The following ACTR3B variants were observed in gnomAD, a reference collection of about 807,000 sequenced individuals.
ACTR3B encodes actin-related protein 3B.
In ACTR3B, 8 loss-of-function variants were observed where a neutral mutation model predicts 59.0. The ratio of observed to expected loss-of-function variants is 0.14; its 90% CI spans 0.08 to 0.24. ACTR3B has a LOEUF of 0.24. Ranked by LOEUF, ACTR3B falls within the 10% of genes least tolerant of loss-of-function variation. The pLI is 1.00. For synonymous variants in ACTR3B, 148 were observed against 197.9 expected, an observed-to-expected ratio of 0.75 and a Z score of 2.12; for missense variants, 245 against 552.3, an observed-to-expected ratio of 0.44 and a Z score of 5.58.
At chr7:152,760,305 T>C (rs1004757274) in intron 1 of ACTR3B, among the ~76,000 whole-genome samples, 1 of 151,688 alleles carries the variant, frequency 6.6e-6, no homozygotes, top group Non-Finnish European at 1.5e-5. Flanking sequence ...CCTAGGAATA[T>C]TCGCCAGCGT....
chr7:152,774,085 G>A (rs1246017370), intron 1 of ACTR3B, among the ~76,000 whole-genome samples: 2 of 152,140 alleles, frequency 1.3e-5, no homozygotes, highest in Non-Finnish European at 2.9e-5. Context: ...TCTTGCTGTT[G>A]TCACCTTTTC....
intron 4 of ACTR3B, among the ~76,000 whole-genome samples, chr7:152,805,339 C>T (rs982235858): frequency 3.3e-5 from 5 of 151,946 alleles, no homozygotes; most frequent in African/African-American, 1.2e-4. Context: ...ATGCTGAGGT[C>T]GAAGCGTCTG....
At position 152,759,864 on chromosome 7, in the gene ACTR3B, A is replaced by G; in HGVS notation, c.-19A>G. 2 of 1,300,206 alleles carry G rather than the reference A, an allele frequency of 1.5e-6. No individual in the cohort carries two copies. Among genetic ancestry groups the G allele is most frequent in the South Asian group, 2.2e-5 (1 of 45,884 alleles). 80.5% of individuals were successfully genotyped at this position (1,300,206 alleles called of 1,614,324 possible). A position where few individuals can be genotyped will look rare whatever the true frequency, so the allele number is the denominator to read the frequency against. On this transcript the variant is annotated 5_prime_UTR_variant, in exon 1 of 12. Coordinates refer to ENST00000256001, the MANE Select transcript of ACTR3B (RefSeq NM_020445.6). ...CGCTCTCGGGCTGCCGGCGGGGCCG[A>G]GCGCCGCGCGTCCCGAGCATGGCAG...
rs397833448 is a variant in ACTR3B, at chr7:152,833,449, G to C, written c.951+8327G>C. 9.9e-5 allele frequency among the ~76,000 whole-genome samples: 15 copies of C among 152,284 alleles called. No individual in the cohort carries two copies. In the East Asian group the frequency reaches 1.4e-3, roughly 14 times the overall value. On this transcript the variant is annotated intron_variant, in intron 9 of 11. Transcript: ENST00000256001. ...ACTTTTCAAGAACACAATATAGAAA[G>C]AGCAGGGGCTTCTAATAGGGCTGTC... is the stretch of plus-strand genomic sequence containing the variant.
At chr7:152,790,778 T>A (rs2098192932) in intron 2 of ACTR3B, among the ~76,000 whole-genome samples, 1 of 152,202 alleles carries the variant, frequency 6.6e-6, no homozygotes. Flanking sequence ...AGAAATATAC[T>A]GGATTAAAAA....
chr7:152,825,919 AGTCTATAT>A (rs1796532967), intron 9 of ACTR3B, among the ~76,000 whole-genome samples: 1 of 152,214 alleles, frequency 6.6e-6, no homozygotes, highest in Non-Finnish European at 1.5e-5. Flanking sequence ...AGGAAAATCT[AGTCTATAT>A]GATTATTGAG....
intron 1 of ACTR3B, among the ~76,000 whole-genome samples, chr7:152,760,415 C>G (rs1033909070): frequency 1.3e-5 from 2 of 152,190 alleles, no homozygotes; most frequent in Non-Finnish European, 2.9e-5. Context: ...TCGTTCTGTC[C>G]CCGCGTGTGC....
intron 9 of ACTR3B, among the ~76,000 whole-genome samples, chr7:152,833,069 C>T (rs1359089401): frequency 1.3e-5 from 2 of 152,172 alleles, no homozygotes; most frequent in Non-Finnish European, 2.9e-5. Flanking sequence ...ACTGAGAGGT[C>T]ACACAGGATG....
intron 9 of ACTR3B, among the ~76,000 whole-genome samples, chr7:152,849,202 A>G (rs80210644): frequency 0.014 from 2,059 of 152,336 alleles, 19 homozygotes; most frequent in East Asian, 0.035. Context: ...GACCATTGCC[A>G]GGTATTTTAT....
chr7:152,828,500 G>C (rs1796760233), intron 9 of ACTR3B, among the ~76,000 whole-genome samples: 1 of 152,090 alleles, frequency 6.6e-6, no homozygotes, highest in South Asian at 2.1e-4. Flanking sequence ...TAGTGCGGTG[G>C]AGAGCATGCC....
intron 9 of ACTR3B, among the ~76,000 whole-genome samples, chr7:152,848,038 A>G (rs1798497897): frequency 6.6e-6 from 1 of 152,222 alleles, no homozygotes; most frequent in Non-Finnish European, 1.5e-5. Flanking sequence ...AGAATTTAGG[A>G]GACTTAGAGG....
At chr7:152,818,325 C>T (rs1298593860) in intron 6 of ACTR3B, among the ~76,000 whole-genome samples, 4 of 152,144 alleles carry the variant, frequency 2.6e-5, no homozygotes, top group African/African-American at 9.7e-5. Context: ...GTTTTTCCTC[C>T]AGCTGTAAAA....
intron 8 of ACTR3B, among the ~76,000 whole-genome samples, chr7:152,823,772 A>T (rs545565448): frequency 6.6e-6 from 1 of 152,096 alleles, no homozygotes; most frequent in Non-Finnish European, 1.5e-5. Context: ...ATGACAATAG[A>T]ATTAAAAGTA....
intron 2 of ACTR3B, among the ~76,000 whole-genome samples, chr7:152,797,968 G>A (rs1305617522): frequency 6.6e-6 from 1 of 152,068 alleles, no homozygotes; most frequent in East Asian, 1.9e-4. Context: ...CCAGATCTTG[G>A]TTATTGTGAA....
intron 2 of ACTR3B, among the ~76,000 whole-genome samples, chr7:152,797,068 A>T (rs1354703959): frequency 1.1e-4 from 17 of 151,468 alleles, no homozygotes; most frequent in Admixed American, 2.0e-4. Flanking sequence ...GATTTAAAAA[A>T]TTTTTTTAAT....
chr7:152,768,767 C>T (rs146012235), intron 1 of ACTR3B, among the ~76,000 whole-genome samples: 24 of 151,190 alleles, frequency 1.6e-4, no homozygotes, highest in African/African-American at 4.6e-4. Flanking sequence ...TGAGCCACCG[C>T]GCCTGGCTAG....
At chr7:152,765,133 C>CTTTTTA (rs2098104975) in intron 1 of ACTR3B, among the ~76,000 whole-genome samples, 1 of 43,838 alleles carries the variant, frequency 2.3e-5, no homozygotes, top group Non-Finnish European at 4.8e-5. Flanking sequence ...TTTTTTTTTC[C>CTTTTTA]GGAGACAGAG....
At chr7:152,771,838 A>AG (rs1473315171) in intron 1 of ACTR3B, among the ~76,000 whole-genome samples, 2 of 151,948 alleles carry the variant, frequency 1.3e-5, no homozygotes, top group African/African-American at 2.4e-5. Context: ...CACTTTGGGA[A>AG]GCCGAGGTGG....
chr7:152,796,903 A>G (rs1357699789), intron 2 of ACTR3B, among the ~76,000 whole-genome samples: 3 of 93,404 alleles, frequency 3.2e-5, no homozygotes, highest in Admixed American at 2.6e-4. Context: ...TTTTTTGTAG[A>G]GACGGGTTTT....
Sources: gnomAD v4.1 joint callset for allele counts (sites outside exome capture counted in the v4.1 genomes callset) on GRCh38, gnomAD v4.1.1 for gene constraint, MANE v1.5 for transcripts, NCBI Gene and HGNC (gene_info 2026-07-23, HGNC 2026-07-21) for gene names.